FAM131B: variants seen among roughly 807,000 people sequenced by gnomAD.
The protein encoded by FAM131B is family with sequence similarity 131 member B.
Under a neutral mutation model 42.0 loss-of-function variants are expected in FAM131B, and 19 were observed. The ratio of observed to expected loss-of-function variants is 0.45; its 90% CI spans 0.32 to 0.66. The LOEUF is 0.66. Among genes scored for constraint, FAM131B ranks in the 30% least tolerant of loss-of-function variants. The pLI is 0.05. For missense variants in FAM131B, 370 were observed against 468.4 expected (o/e 0.79, Z 1.94); for synonymous variants, 183 against 177.6 (o/e 1.03, Z -0.24).
chr7:143,381,758 A>T, the FAM131B span: 1 of 1,582,272 alleles, frequency 6.3e-7, no homozygotes, highest in Non-Finnish European at 8.6e-7. Context: ...GGTGGGCGAG[A>T]TTCCCCCGCC....
At chr7:143,380,640 T>C in the FAM131B span, 1 of 985,334 alleles carries the variant, frequency 1.0e-6, no homozygotes, top group Admixed American at 6.1e-5. The surrounding 1 kb of genome is among the most constrained non-coding windows in gnomAD (Gnocchi z 5.0). Context: ...GGGATGCGAA[T>C]TCCTAGAAGC....
chr7:143,362,594 T>A lies in FAM131B; in HGVS notation c.10A>T (p.Ile4Phe). Residue 4 changes from isoleucine to phenylalanine, a missense_variant, in exon 1 of 7, where the codon ATC (isoleucine) becomes TTC (phenylalanine). By Grantham distance (21) the Ile-to-Phe change is conservative. Coordinates refer to ENST00000443739, the MANE Select transcript of FAM131B (RefSeq NM_001031690.3). The surrounding 1 kb of genome is among the most constrained non-coding windows in gnomAD (Gnocchi z 7.7). ...TACCCACCCACAGTCCGGGAGCCGA[T>A]GCAGCCCATGGCTCCGGGGGCCGCA... MGC[I>F]GSRTVGNEVI... is the part of the protein sequence containing the mutation. 2.5e-6 allele frequency: 3 copies of A among 1,218,142 alleles called. No individual in the cohort carries two copies. Among genetic ancestry groups the A allele is most frequent in the Non-Finnish European group, 3.1e-6 (3 of 979,494 alleles). 75.5% of individuals were successfully genotyped at this position (1,218,142 alleles called of 1,614,324 possible).
intron 6 of FAM131B, 44 bp downstream of exon 6, chr7:143,357,236 A>G: frequency 6.3e-7 from 1 of 1,595,222 alleles, no homozygotes; most frequent in South Asian, 1.1e-5. Flanking sequence ...ATAGTTGGGG[A>G]GGCCTCATAG....
the FAM131B span, among the ~76,000 whole-genome samples, chr7:143,372,734 G>A: frequency 3.3e-5 from 5 of 152,124 alleles, no homozygotes; most frequent in African/African-American, 9.7e-5. Flanking sequence ...TGAGACAGGC[G>A]GATCATCTGA....
chr7:143,359,411 C>A lies in FAM131B; in HGVS notation c.183G>T (p.Met61Ile). 1 of 1,613,242 alleles carries A rather than the reference C, an allele frequency of 6.2e-7. No individual in the cohort carries two copies. The highest frequency in any genetic ancestry group is 8.5e-7 in the Non-Finnish European group (1 of 1,179,568). Residue 61 changes from methionine to isoleucine, a missense_variant, in exon 4 of 7, where the codon ATG (methionine) becomes ATT (isoleucine). Coordinates refer to ENST00000443739, the MANE Select transcript of FAM131B (RefSeq NM_001031690.3). The surrounding 1 kb of genome is among the most constrained non-coding windows in gnomAD (Gnocchi z 5.4). The stretch of plus-strand genomic sequence containing the variant: ...TCGGAAGAATGGAAGTGGTGTCCTC[C>A]ATGGAGAGCTGGGATGGGAATGTGG... ...DFSWDGINLS[M>I]EDTTSILPKL...
At chr7:143,360,680 C>G (rs1399400836) in intron 1 of FAM131B, 1 of 154,040 alleles carries the variant, frequency 6.5e-6, no homozygotes, top group Non-Finnish European at 1.4e-5. Flanking sequence ...AAACAGTGAG[C>G]AGAGAAACCA....
chr7:143,369,105 A>G, the FAM131B span, among the ~76,000 whole-genome samples: 1 of 152,198 alleles, frequency 6.6e-6, no homozygotes, highest in Non-Finnish European at 1.5e-5. Context: ...TCCTTGCTGT[A>G]CTTCCACAGA....
At chr7:143,363,206 A>C (rs909645721), upstream of FAM131B, among the ~76,000 whole-genome samples, 1 of 152,220 alleles carries the variant, frequency 6.6e-6, no homozygotes, top group Admixed American at 6.5e-5. Context: ...GATTGGACAC[A>C]GCTTTGGGCT....
Position 143,358,300 on chromosome 7 carries a change from G to A in FAM131B, c.466+527C>T, listed in dbSNP as rs114874973. On this transcript the variant is annotated intron_variant, in intron 5 of 6. Transcript: ENST00000443739. The surrounding 1 kb of genome is among the most constrained non-coding windows in gnomAD (Gnocchi z 4.7). The stretch of plus-strand genomic sequence containing the variant: ...TTATTTAGACCTGCACTACAGCTTG[G>A]CCACTCTTGTAGGCACACTGCATGC... 5.9e-3 allele frequency among the ~76,000 whole-genome samples: 897 copies of A among 152,160 alleles called. 11 individuals are homozygous for A. The highest frequency in any genetic ancestry group is 0.02 in the African/African-American group (846 of 41,506).
chr7:143,381,785 C>A, the FAM131B span: 1,351 of 1,557,428 alleles, frequency 8.7e-4, 1 homozygote, highest in Non-Finnish European at 1.1e-3. Flanking sequence ...GGAAGGTATG[C>A]GGCGGGGCTT....
chr7:143,380,146 C>A, the FAM131B span: 6 of 983,922 alleles, frequency 6.1e-6, no homozygotes, highest in Non-Finnish European at 7.2e-6. The surrounding 1 kb of genome is among the most constrained non-coding windows in gnomAD (Gnocchi z 5.0). Context: ...CCTACGGGTG[C>A]ATACTGGACT....
At chr7:143,382,222 C>T in the FAM131B span, 1 of 1,603,456 alleles carries the variant, frequency 6.2e-7, no homozygotes, top group Non-Finnish European at 8.5e-7. Context: ...GGACCCCGGC[C>T]GACGTCTTTC....
At position 143,356,962 on chromosome 7, in the gene FAM131B, T is replaced by C; in HGVS notation, c.671A>G (p.Tyr224Cys). ...WPHSYVSQGM[Y>C]CLGSSDAWEA... ...CCAGGCATCTGACGACCCCAGACAGTACATACCCTGGGACACGTAAGAGTG... is the reference window on the plus strand; with the variant it reads ...CCAGGCATCTGACGACCCCAGACAGCACATACCCTGGGACACGTAAGAGTG... The change falls in exon 7 of 7, where the codon TAC (tyrosine) becomes TGC (cysteine). Residue 224 changes from tyrosine to cysteine, a missense_variant. Tyr to Cys is a radical substitution (Grantham distance 194). Transcript: ENST00000443739. This position sits in a 1 kb window ranked among gnomAD's most constrained non-coding sequence, Gnocchi z 4.4. The C allele has an allele frequency of 6.2e-7, 1 of 1,613,974 alleles. No homozygotes were observed. The highest frequency in any genetic ancestry group is 8.5e-7 in the Non-Finnish European group (1 of 1,180,014).
At chr7:143,373,096 C>T in the FAM131B span, among the ~76,000 whole-genome samples, 1 of 151,178 alleles carries the variant, frequency 6.6e-6, no homozygotes. Context: ...TTTATTTTTA[C>T]TCTTGGCCAG....
chr7:143,371,182 C>T, the FAM131B span, among the ~76,000 whole-genome samples: 1 of 152,144 alleles, frequency 6.6e-6, no homozygotes, highest in African/African-American at 2.4e-5. Context: ...CTCCTGCTGT[C>T]ACGGAGCTTA....
At position 143,358,155 on chromosome 7, in the gene FAM131B, G is replaced by A. The variant is rs1803770330; in HGVS notation, c.466+672C>T. Reference sequence around the variant, plus strand: ...CAAATCCATGAGCGTGTTGAAGCTGGTACTGCTCCTGCCCCCCACCCTACA... The same window carrying A: ...CAAATCCATGAGCGTGTTGAAGCTGATACTGCTCCTGCCCCCCACCCTACA... On this transcript the variant is annotated intron_variant, in intron 5 of 6. Transcript: ENST00000443739. This position sits in a 1 kb window ranked among gnomAD's most constrained non-coding sequence, Gnocchi z 4.7. Among the ~76,000 whole-genome samples the A allele has an allele frequency of 6.6e-6, 1 of 152,132 alleles. No homozygotes were observed. The highest frequency in any genetic ancestry group is 1.5e-5 in the Non-Finnish European group (1 of 68,038).
At chr7:143,363,405 A>C (rs1328306651), upstream of FAM131B, among the ~76,000 whole-genome samples, 3 of 152,174 alleles carry the variant, frequency 2.0e-5, no homozygotes, top group East Asian at 3.9e-4. Context: ...GCAGTAGACT[A>C]ACAACAATGT....
At position 143,359,887 on chromosome 7, in the gene FAM131B, T is replaced by G; in HGVS notation, c.139-120A>C. On this transcript the variant is annotated intron_variant, in intron 2 of 6. Transcript: ENST00000443739. This position sits in a 1 kb window ranked among gnomAD's most constrained non-coding sequence, Gnocchi z 5.4. Reference sequence around the variant, plus strand: ...GTGGGGAGGGCTTTCCTGAGGTTGATGCCGCTAACTGGGTTCTCCATGTGG... The same window carrying G: ...GTGGGGAGGGCTTTCCTGAGGTTGAGGCCGCTAACTGGGTTCTCCATGTGG... The G allele has an allele frequency of 9.5e-7, 1 of 1,056,966 alleles. No homozygotes were observed. The highest frequency in any genetic ancestry group is 1.4e-6 in the Non-Finnish European group (1 of 700,868). The allele number at this position is 1,056,966 out of a possible 1,614,324, so 65.5% of individuals were successfully genotyped here.
In FAM131B at chr7:143,359,779, G is replaced by A; in HGVS notation, c.139-12C>T. 6.4e-7 allele frequency: 1 copy of A among 1,562,816 alleles called. No individual in the cohort carries two copies. Among genetic ancestry groups the A allele is most frequent in the South Asian group, 1.2e-5 (1 of 84,736 alleles). ...TCAGTTCGAGTTTGCTGTGAGGAGAGAGGAAAGGGAATGGGCATCCCAGTC... is the reference window on the plus strand; with the variant it reads ...TCAGTTCGAGTTTGCTGTGAGGAGAAAGGAAAGGGAATGGGCATCCCAGTC... On this transcript the variant is annotated splice_polypyrimidine_tract_variant and intron_variant, in intron 2 of 6. Transcript: ENST00000443739. The surrounding 1 kb of genome is among the most constrained non-coding windows in gnomAD (Gnocchi z 5.4).
Sources: gnomAD v4.1 joint callset for allele counts (sites outside exome capture counted in the v4.1 genomes callset) on GRCh38, gnomAD v4.1.1 for gene constraint, Gnocchi (gnomAD v3.1) non-coding constraint, MANE v1.5 for transcripts, NCBI Gene and HGNC (gene_info 2026-07-23, HGNC 2026-07-21) for gene names.